The following PHLPP2 variants were observed in gnomAD, a reference collection of about 807,000 sequenced individuals.
PHLPP2 encodes the protein PH domain and leucine rich repeat protein phosphatase 2.
PHLPP2 carries 66 observed loss-of-function variants against 124.9 expected under a neutral mutation model. That is an observed-to-expected ratio of 0.53 (90% CI 0.43 to 0.65). PHLPP2 has a LOEUF of 0.65. PHLPP2 is among the 30% of genes least tolerant of loss of function. The pLI is 0.00. For synonymous variants in PHLPP2, 681 were observed against 624.7 expected (o/e 1.09, Z -1.34); for missense variants, 1,685 against 1,600.4 (o/e 1.05, Z -0.90).
chr16:71,682,519 A>G (rs1022312760), intron 5 of PHLPP2, among the ~76,000 whole-genome samples: 1 of 152,122 alleles, frequency 6.6e-6, no homozygotes, highest in Non-Finnish European at 1.5e-5. Flanking sequence ...AAATAAATGG[A>G]AAAAACTTTA....
rs751484332 is a variant in PHLPP2 at position 71,679,404 on chromosome 16, A to C, written c.1022T>G (p.Ile341Ser). 6.2e-7 allele frequency: 1 copy of C among 1,613,926 alleles called. No individual in the cohort carries two copies. Among genetic ancestry groups the C allele is most frequent in the Non-Finnish European group, 8.5e-7 (1 of 1,179,906 alleles). The change falls in exon 7 of 19, where the codon ATT becomes AGT. Residue 341 changes from isoleucine (I) to serine (S), a missense_variant. Physicochemically the swap from Ile to Ser is moderately radical, Grantham distance 142 (BLOSUM62 -2). Coordinates refer to ENST00000568954, the MANE Select transcript of PHLPP2 (RefSeq NM_015020.3). The part of the protein sequence containing the change: ...CNGFHDLPSQ[I>S]GNLLNLQTLC... ...AGTTACTTACTTTAGCAGATTGCCAATTTGACTTGGTAGGTCATGAAATCC... is the reference window on the plus strand; with the variant it reads ...AGTTACTTACTTTAGCAGATTGCCACTTTGACTTGGTAGGTCATGAAATCC...
intron 12 of PHLPP2, 181 bp from the exon 13 acceptor site, chr16:71,664,280 T>C: frequency 1.7e-6 from 1 of 603,724 alleles, no homozygotes; most frequent in East Asian, 2.8e-5. Context: ...TTCCTTTTAC[T>C]CAACTCATGC....
chr16:71,689,443 G>C (rs561577687), intron 4 of PHLPP2, among the ~76,000 whole-genome samples: 9 of 148,548 alleles, frequency 6.1e-5, no homozygotes, highest in African/African-American at 2.2e-4. Flanking sequence ...CCCAGGCTGG[G>C]GTGCAATGGC....
chr16:71,675,552 C>A (rs1267587243), intron 9 of PHLPP2, among the ~76,000 whole-genome samples: 2 of 152,196 alleles, frequency 1.3e-5, no homozygotes, highest in Non-Finnish European at 2.9e-5. Flanking sequence ...GCTTTGCGGA[C>A]CATATCACAG....
At chr16:71,682,135 G>C (rs1230239328) in intron 5 of PHLPP2, among the ~76,000 whole-genome samples, 6 of 150,352 alleles carry the variant, frequency 4.0e-5, no homozygotes, top group African/African-American at 1.5e-4. Flanking sequence ...TAAGTACAAG[G>C]TTAAAAAAAA....
At chr16:71,652,385 C>T (rs1032439002) in intron 18 of PHLPP2, among the ~76,000 whole-genome samples, 3 of 152,182 alleles carry the variant, frequency 2.0e-5, no homozygotes, top group African/African-American at 7.2e-5. Context: ...CCAGAGCATA[C>T]TACACCACAT....
At chr16:71,673,474 T>C (rs977562982) in intron 9 of PHLPP2, among the ~76,000 whole-genome samples, 1 of 152,186 alleles carries the variant, frequency 6.6e-6, no homozygotes, top group Non-Finnish European at 1.5e-5. Context: ...AACTTCTTTT[T>C]GTAAAGCAGA....
chr16:71,688,152 C>G (rs2145350266), intron 4 of PHLPP2, among the ~76,000 whole-genome samples: 1 of 152,310 alleles, frequency 6.6e-6, no homozygotes, highest in East Asian at 1.9e-4. Context: ...AAAGGTCAAG[C>G]TCTTTAAAAG....
At chr16:71,691,191 C>T (rs778226011) in intron 3 of PHLPP2, among the ~76,000 whole-genome samples, 8 of 152,162 alleles carry the variant, frequency 5.3e-5, no homozygotes, top group Non-Finnish European at 8.8e-5. Flanking sequence ...CAGTGGCTCC[C>T]GCCTGCAATC....
chr16:71,669,203 T>C, intron 11 of PHLPP2, 72 bp downstream of exon 11: 1 of 1,068,286 alleles, frequency 9.4e-7, no homozygotes. Context: ...AACCCAAATC[T>C]AGAAAAAAAT....
chr16:71,648,944 C>T lies in PHLPP2; in HGVS notation c.3918G>A (p.Glu1306=), dbSNP rs1278555927. 6.2e-7 allele frequency: 1 copy of T among 1,613,618 alleles called. No homozygotes were observed. ...KQHQDSRLEP[E]PHEEDRTEPP... ...GCTCGGTCCGATCCTCTTCATGGGGCTCAGGCTCGAGCCGGCTGTCCTGGT... is the reference window on the plus strand; with the variant it reads ...GCTCGGTCCGATCCTCTTCATGGGGTTCAGGCTCGAGCCGGCTGTCCTGGT... The change falls in exon 19 of 19, where the codon GAG becomes GAA. Residue 1306 remains glutamate, a synonymous_variant. Transcript: ENST00000568954.
chr16:71,685,195 C>T (rs925466629), intron 4 of PHLPP2, among the ~76,000 whole-genome samples: 5 of 152,134 alleles, frequency 3.3e-5, no homozygotes, highest in Admixed American at 2.0e-4. Flanking sequence ...GGTGTGGTCA[C>T]GGGCTCCTGT....
intron 5 of PHLPP2, among the ~76,000 whole-genome samples, chr16:71,684,112 C>A (rs2045029755): frequency 6.8e-6 from 1 of 146,654 alleles, no homozygotes; most frequent in Non-Finnish European, 1.5e-5. Context: ...AAATACATTT[C>A]TCTTGAGGTA....
intron 8 of PHLPP2, chr16:71,678,091 G>A (rs1227339271): frequency 6.6e-6 from 1 of 152,104 alleles, no homozygotes; most frequent in Non-Finnish European, 1.5e-5. Flanking sequence ...CACTTTAGGA[G>A]GCCAAGGCAG....
At chr16:71,680,014 C>T (rs896674571) in intron 6 of PHLPP2, among the ~76,000 whole-genome samples, 6 of 151,448 alleles carry the variant, frequency 4.0e-5, no homozygotes, top group African/African-American at 1.2e-4. Flanking sequence ...ACCCGGGAGG[C>T]GGAGCTTGCA....
chr16:71,698,424 C>G, intron 3 of PHLPP2: 2 of 717,480 alleles, frequency 2.8e-6, no homozygotes, highest in Non-Finnish European at 5.1e-6. Context: ...TGTTATGCAG[C>G]TTGGTGCAGA....
rs1395097966 is a variant in PHLPP2 at position 71,690,662 on chromosome 16, T to C, written c.466A>G (p.Ile156Val). ...DRLDRILLSG[I>V]YNVRKGKTQL... ...GTCTTTCCCTTGCGTACATTATAGA[T>C]GCCAGACAATAGGATTCGATCCAAA... The change falls in exon 4 of 19, where the codon ATC (isoleucine) becomes GTC (valine). Residue 156 changes from isoleucine (I) to valine (V), a missense_variant. Transcript: ENST00000568954. 6.2e-7 allele frequency: 1 copy of C among 1,613,918 alleles called. No individual in the cohort carries two copies.
At chr16:71,719,367 C>CT (rs1256165820) in intron 1 of PHLPP2, among the ~76,000 whole-genome samples, 1 of 152,104 alleles carries the variant, frequency 6.6e-6, no homozygotes, top group East Asian at 1.9e-4. Flanking sequence ...AAAACCCCGT[C>CT]TCTATTAAAA....
At chr16:71,705,596 C>T (rs1023770197) in intron 2 of PHLPP2, among the ~76,000 whole-genome samples, 2 of 152,148 alleles carry the variant, frequency 1.3e-5, no homozygotes, top group African/African-American at 4.8e-5. Context: ...ACTGCAACCC[C>T]TGCCACCCAG....
Sources: gnomAD v4.1 joint callset for allele counts (sites outside exome capture counted in the v4.1 genomes callset) on GRCh38, gnomAD v4.1.1 for gene constraint, MANE v1.5 for transcripts, NCBI Gene and HGNC (gene_info 2026-07-23, HGNC 2026-07-21) for gene names.